NREP: variants seen among roughly 807,000 people sequenced by gnomAD.
NREP encodes the protein neuronal regeneration-related protein.
A neutral mutation model predicts 8.6 loss-of-function variants in NREP; 5 were observed. That is an observed-to-expected ratio of 0.58 (90% CI 0.30 to 1.22). The LOEUF (loss-of-function observed/expected upper bound fraction) is 1.22, where lower values mean the gene tolerates loss of function less well. NREP is among the 50% of genes most tolerant of loss of function. The probability of loss-of-function intolerance (pLI) is 0.07; values close to 1 mark genes in which losing one functional copy is unlikely to be tolerated. For synonymous variants in NREP, 27 were observed against 28.0 expected, an observed-to-expected ratio of 0.96 and a Z score of 0.11; for missense variants, 86 against 82.5, an observed-to-expected ratio of 1.04 and a Z score of -0.17.
chr5:111,734,870 T>G (rs1334089623), intron 3 of NREP: 1 of 447,810 alleles, frequency 2.2e-6, no homozygotes, highest in African/African-American at 2.0e-5. Flanking sequence ...ATTGTTTGTT[T>G]CAGAAATTAT....
chr5:111,828,975 A>T (rs1752696271), intron 2 of NREP, among the ~76,000 whole-genome samples: 1 of 152,180 alleles, frequency 6.6e-6, no homozygotes, highest in African/African-American at 2.4e-5. Flanking sequence ...CCTGTAGATT[A>T]GAGAGACATT....
chr5:111,828,875 A>T (rs1305847923), intron 2 of NREP, among the ~76,000 whole-genome samples: 2 of 152,180 alleles, frequency 1.3e-5, no homozygotes, highest in Non-Finnish European at 2.9e-5. Flanking sequence ...TTCTCTCAGG[A>T]AGGTCACAGC....
intron 2 of NREP, among the ~76,000 whole-genome samples, chr5:111,918,520 C>T (rs1258530873): frequency 6.6e-6 from 1 of 152,082 alleles, no homozygotes; most frequent in Non-Finnish European, 1.5e-5. Context: ...GATACATAGA[C>T]CAATGGAACA....
intron 2 of NREP, among the ~76,000 whole-genome samples, chr5:111,933,285 G>A (rs1020227145): frequency 2.0e-5 from 3 of 151,936 alleles, no homozygotes; most frequent in African/African-American, 7.2e-5. Flanking sequence ...TTATAACTGT[G>A]GTTCAAATGA....
At chr5:111,771,310 T>A (rs1303667702) in intron 2 of NREP, among the ~76,000 whole-genome samples, 1 of 152,148 alleles carries the variant, frequency 6.6e-6, no homozygotes, top group South Asian at 2.1e-4. Context: ...CGTTAACTCA[T>A]TTTAACAGAT....
chr5:111,731,559 A>G (rs969113728), intron 3 of NREP, among the ~76,000 whole-genome samples: 8 of 152,128 alleles, frequency 5.3e-5, no homozygotes, highest in African/African-American at 1.4e-4. Context: ...GGCTTATTCT[A>G]TGTGCAATCG....
At chr5:111,931,138 C>A (rs1236952843) in intron 2 of NREP, among the ~76,000 whole-genome samples, 3 of 151,968 alleles carry the variant, frequency 2.0e-5, no homozygotes, top group African/African-American at 7.2e-5. Flanking sequence ...GTATTTAAAC[C>A]TTCTGTGGTG....
upstream of NREP, among the ~76,000 whole-genome samples, chr5:111,759,737 T>G (rs1424796903): frequency 6.6e-6 from 1 of 152,206 alleles, no homozygotes; most frequent in Non-Finnish European, 1.5e-5. Flanking sequence ...TAAGGATATA[T>G]GAGAAACTCA....
intron 2 of NREP, among the ~76,000 whole-genome samples, chr5:111,754,653 C>A (rs1215525268): frequency 1.3e-5 from 2 of 152,196 alleles, no homozygotes. Context: ...TGTCTTTCTA[C>A]CTCAAGTTCC....
At chr5:111,959,421 T>C (rs1756421318) in intron 2 of NREP, among the ~76,000 whole-genome samples, 1 of 152,008 alleles carries the variant, frequency 6.6e-6, no homozygotes, top group African/African-American at 2.4e-5. Context: ...TCCAGCTGTA[T>C]ACATACATGT....
intron 2 of NREP, among the ~76,000 whole-genome samples, chr5:111,752,605 C>A (rs1041315752): frequency 6.6e-6 from 1 of 152,176 alleles, no homozygotes; most frequent in Non-Finnish European, 1.5e-5. Context: ...CCCATGAATG[C>A]CACTTCACAA....
rs148362847 is a variant in NREP at position 111,864,464 on chromosome 5, A to G, written c.135+110810T>C. 4.4e-3 allele frequency among the ~76,000 whole-genome samples: 663 copies of G among 152,242 alleles called. 18 individuals are homozygous for G. The highest frequency in any genetic ancestry group is 0.032 in the Admixed American group (487 of 15,272). ...CCCCCCAGAAGGGCAAAAAGTAGCT[A>G]TTGGGGAAGGGCAGATCCTTAATCT... On this transcript the variant is annotated intron_variant, in intron 2 of 3. Coordinates refer to the NREP transcript ENST00000395634.
At chr5:111,808,198 C>CA (rs1752187305) in intron 2 of NREP, among the ~76,000 whole-genome samples, 1 of 152,216 alleles carries the variant, frequency 6.6e-6, no homozygotes, top group African/African-American at 2.4e-5. Flanking sequence ...GCTTCTCCTC[C>CA]AATGGGCTAC....
At chr5:111,964,972 G>A (rs776556760) in intron 2 of NREP, among the ~76,000 whole-genome samples, 7 of 147,912 alleles carry the variant, frequency 4.7e-5, no homozygotes, top group East Asian at 4.1e-4. Flanking sequence ...AAGTCCAGAC[G>A]TAAGGAAAAT....
At chr5:111,796,462 A>G (rs966758044) in intron 2 of NREP, among the ~76,000 whole-genome samples, 1 of 152,200 alleles carries the variant, frequency 6.6e-6, no homozygotes, top group African/African-American at 2.4e-5. Flanking sequence ...ACCTATCACA[A>G]CCACTATATT....
intron 2 of NREP, among the ~76,000 whole-genome samples, chr5:111,948,655 C>A (rs1054929459): frequency 6.6e-6 from 1 of 151,996 alleles, no homozygotes; most frequent in Admixed American, 6.6e-5. Context: ...TTTCGAAACA[C>A]CAGAACAAAT....
chr5:111,965,496 G>A (rs968200042), intron 2 of NREP, among the ~76,000 whole-genome samples: 1 of 151,998 alleles, frequency 6.6e-6, no homozygotes, highest in Non-Finnish European at 1.5e-5. Flanking sequence ...CTAGAGAGAA[G>A]AGCATAATAA....
At chr5:111,806,939 G>C (rs1056077246) in intron 2 of NREP, among the ~76,000 whole-genome samples, 1 of 151,976 alleles carries the variant, frequency 6.6e-6, no homozygotes, top group Non-Finnish European at 1.5e-5. Context: ...ACTTGCCTTG[G>C]TCCTGCCTAG....
intron 2 of NREP, among the ~76,000 whole-genome samples, chr5:111,911,157 C>G (rs1334792049): frequency 6.6e-6 from 1 of 152,018 alleles, no homozygotes; most frequent in East Asian, 1.9e-4. Context: ...ACCCCTGCAC[C>G]CAGTGTTCTG....
Sources: allele counts gnomAD v4.1 joint callset (sites outside exome capture counted in the v4.1 genomes callset), GRCh38; gene constraint gnomAD v4.1.1; transcripts MANE v1.5; gene names NCBI Gene and HGNC (gene_info 2026-07-23, HGNC 2026-07-21).